The following ULK2 variants were observed in gnomAD, a reference collection of about 807,000 sequenced individuals.
ULK2 encodes the protein unc-51 like autophagy activating kinase 2.
ULK2 carries 76 observed loss-of-function variants against 127.5 expected under a neutral mutation model. The observed-to-expected ratio is 0.60, with a 90% CI of 0.50 to 0.72. The LOEUF is 0.72. Ranked by LOEUF, ULK2 falls within the 30% of genes least tolerant of loss-of-function variation. The probability of loss-of-function intolerance (pLI) is 0.00; values close to 1 mark genes in which losing one functional copy is unlikely to be tolerated. For missense variants in ULK2, 1,144 were observed against 1,295.9 expected, an observed-to-expected ratio of 0.88 and a Z score of 1.80; for synonymous variants, 452 against 461.9, an observed-to-expected ratio of 0.98 and a Z score of 0.28.
At chr17:19,827,910 CA>C (rs777107343) in intron 10 of ULK2, among the ~76,000 whole-genome samples, 2,481 of 92,236 alleles carry the variant, frequency 0.027, 23 homozygotes, top group Non-Finnish European at 0.038. Flanking sequence ...AACTCTGTCT[CA>C]AAAAAAAAAA....
rs562012074 is a variant in ULK2, at chr17:19,816,582, G to C, written c.1096+167C>G. 117 of 571,866 alleles carry C rather than the reference G, an allele frequency of 2.0e-4. 3 individuals carry two copies. The Middle Eastern group carries it at 3.2e-3, about 16-fold the overall frequency. 35.4% of individuals were successfully genotyped at this position (571,866 alleles called of 1,614,324 possible). Reference sequence around the variant, plus strand: ...TTATTGTTTAATAGAAGATGATTGAGCAAATTTTAAAAAGGTAGGAATATA... The same window carrying C: ...TTATTGTTTAATAGAAGATGATTGACCAAATTTTAAAAAGGTAGGAATATA... On this transcript the variant is annotated intron_variant, in intron 13 of 26. Coordinates refer to ENST00000395544, the MANE Select transcript of ULK2 (RefSeq NM_014683.4).
chr17:19,792,871 C>T (rs987622094), intron 20 of ULK2, among the ~76,000 whole-genome samples: 2 of 152,154 alleles, frequency 1.3e-5, no homozygotes, highest in African/African-American at 4.8e-5. Context: ...ACTCGTATTT[C>T]CTGATTTCAA....
chr17:19,812,659 T>C, intron 13 of ULK2, among the ~76,000 whole-genome samples: 1 of 152,196 alleles, frequency 6.6e-6, no homozygotes, highest in East Asian at 1.9e-4. Flanking sequence ...GTACTGCATA[T>C]TGCTAATACA....
chr17:19,812,597 C>T (rs921147127), intron 13 of ULK2, among the ~76,000 whole-genome samples: 2 of 152,212 alleles, frequency 1.3e-5, no homozygotes, highest in African/African-American at 2.4e-5. Context: ...TGATCGCAGG[C>T]TGACTAGGAG....
intron 10 of ULK2, among the ~76,000 whole-genome samples, chr17:19,835,729 A>G (rs914872116): frequency 6.6e-6 from 1 of 151,166 alleles, no homozygotes; most frequent in Non-Finnish European, 1.5e-5. Context: ...AAAAAAAAAG[A>G]TGCATACCGT....
chr17:19,815,273 T>G (rs957920378), intron 13 of ULK2, among the ~76,000 whole-genome samples: 16 of 152,028 alleles, frequency 1.1e-4, no homozygotes, highest in Admixed American at 7.2e-4. Context: ...TTTTTGTTTG[T>G]TTTTTGAGAC....
intron 7 of ULK2, among the ~76,000 whole-genome samples, chr17:19,844,632 G>C (rs936680956): frequency 6.6e-6 from 1 of 151,748 alleles, no homozygotes; most frequent in Admixed American, 6.6e-5. Context: ...AAATTTTTTT[G>C]AAATTTGATT....
intron 12 of ULK2, among the ~76,000 whole-genome samples, chr17:19,817,569 A>G (rs1011757602): frequency 2.0e-5 from 3 of 152,202 alleles, no homozygotes; most frequent in African/African-American, 7.2e-5. Flanking sequence ...GCATGTAAAT[A>G]TATTTAAACA....
At chr17:19,813,722 A>G (rs2040898426) in intron 13 of ULK2, among the ~76,000 whole-genome samples, 1 of 152,212 alleles carries the variant, frequency 6.6e-6, no homozygotes, top group African/African-American at 2.4e-5. Context: ...ACAAGAAAAA[A>G]GATAACTAGA....
Position 19,799,214 on chromosome 17 carries a change from C to T in ULK2, c.1522+281G>A, listed in dbSNP as rs528153337. Reference sequence around the variant, plus strand: ...CAATAGTATTAAAGTAATAAAATTTCACTCCATAAATAAATTTCATTATCT... The same window carrying T: ...CAATAGTATTAAAGTAATAAAATTTTACTCCATAAATAAATTTCATTATCT... On this transcript the variant is annotated intron_variant, in intron 17 of 26. Coordinates refer to ENST00000395544, the MANE Select transcript of ULK2 (RefSeq NM_014683.4). 2.0e-5 allele frequency among the ~76,000 whole-genome samples: 3 copies of T among 150,746 alleles called. No individual in the cohort carries two copies. In the South Asian group the frequency reaches 6.3e-4, roughly 32 times the overall value.
chr17:19,845,172 A>G, intron 7 of ULK2, 132 bp downstream of exon 7: 1 of 739,810 alleles, frequency 1.4e-6, no homozygotes, highest in Admixed American at 2.8e-5. Flanking sequence ...TATCAGTAAT[A>G]TAATTAACAT....
intron 12 of ULK2, among the ~76,000 whole-genome samples, chr17:19,824,569 T>A (rs1450656493): frequency 6.8e-6 from 1 of 146,506 alleles, no homozygotes; most frequent in African/African-American, 2.5e-5. Context: ...AACACAGCCA[T>A]GAAGAAAATG....
At chr17:19,818,238 G>C (rs1472242796) in intron 12 of ULK2, among the ~76,000 whole-genome samples, 1 of 151,638 alleles carries the variant, frequency 6.6e-6, no homozygotes, top group Non-Finnish European at 1.5e-5. Context: ...CAGGAGAATG[G>C]TGTAAACCCG....
intron 23 of ULK2, 128 bp downstream of exon 23, chr17:19,781,761 G>T: frequency 9.1e-7 from 1 of 1,093,412 alleles, no homozygotes; most frequent in Non-Finnish European, 1.3e-6. Flanking sequence ...GTAGTACAAA[G>T]AAATAATTGA....
intron 26 of ULK2, among the ~76,000 whole-genome samples, chr17:19,776,850 A>T (rs1234500077): frequency 6.6e-6 from 1 of 152,210 alleles, no homozygotes; most frequent in African/African-American, 2.4e-5. Flanking sequence ...CATGAGGCTT[A>T]AAACAGTTAC....
Position 19,801,940 on chromosome 17 carries a change from C to A in ULK2, c.1296-18G>T. 1 of 1,582,518 alleles carries A rather than the reference C, an allele frequency of 6.3e-7. No individual in the cohort carries two copies. Among genetic ancestry groups the A allele is most frequent in the Admixed American group, 2.0e-5 (1 of 49,322 alleles). On this transcript the variant is annotated intron_variant, in intron 15 of 26. Coordinates refer to ENST00000395544, the MANE Select transcript of ULK2 (RefSeq NM_014683.4). The stretch of plus-strand genomic sequence containing the variant: ...CTGCAGATCTGAAAAGTAAATTATT[C>A]CTTCTATAAAAGGTTCTAGAACTCT...
At chr17:19,864,956 AT>A (rs2042322513) in intron 2 of ULK2, 112 bp from the exon 3 acceptor site, 1 of 375,134 alleles carries the variant, frequency 2.7e-6, no homozygotes, top group Non-Finnish European at 4.6e-6. Context: ...TTATACTTAT[AT>A]TAAGACTATA....
chr17:19,810,726 TG>T (rs1354366247), intron 13 of ULK2, among the ~76,000 whole-genome samples: 20 of 152,340 alleles, frequency 1.3e-4, no homozygotes, highest in African/African-American at 4.8e-4. Flanking sequence ...CCATTAAACA[TG>T]CAAAAACTGT....
At chr17:19,795,186 G>C (rs1311555083) in intron 20 of ULK2, among the ~76,000 whole-genome samples, 2 of 151,954 alleles carry the variant, frequency 1.3e-5, no homozygotes, top group South Asian at 2.1e-4. Context: ...AAGTAATCTA[G>C]ATATACATGG....
Sources: gnomAD v4.1 joint callset for allele counts (sites outside exome capture counted in the v4.1 genomes callset) on GRCh38, gnomAD v4.1.1 for gene constraint, MANE v1.5 for transcripts, NCBI Gene and HGNC (gene_info 2026-07-23, HGNC 2026-07-21) for gene names.